The following ECT2L variants were observed in gnomAD, a reference collection of about 807,000 sequenced individuals.
The protein encoded by ECT2L is epithelial cell transforming 2 like, also known as epithelial cell-transforming sequence 2 oncogene-like.
In ECT2L, 126 loss-of-function variants were observed where a neutral mutation model predicts 122.8. The ratio of observed to expected loss-of-function variants is 1.03; its 90% CI spans 0.89 to 1.19. The LOEUF (loss-of-function observed/expected upper bound fraction) is 1.19, where lower values mean the gene tolerates loss of function less well. Among genes scored for constraint, ECT2L ranks in the 50% most tolerant of loss-of-function variants. The pLI, the probability that ECT2L is intolerant of heterozygous loss-of-function variation, is 0.00. For synonymous variants in ECT2L, 385 were observed against 381.8 expected (o/e 1.01, Z -0.10); for missense variants, 1,012 against 1,064.1 (o/e 0.95, Z 0.68).
chr6:138,882,633 G>C, intron 15 of ECT2L, 91 bp from the exon 16 acceptor site: 1 of 1,485,466 alleles, frequency 6.7e-7, no homozygotes, highest in Non-Finnish European at 9.2e-7. Context: ...AAGGACTAGG[G>C]TGAAAATGCC....
intron 20 of ECT2L, among the ~76,000 whole-genome samples, chr6:138,899,354 T>C (rs1406686231): frequency 6.6e-6 from 1 of 152,202 alleles, no homozygotes; most frequent in African/African-American, 2.4e-5. Context: ...GTGATTTCCA[T>C]TGCTGATTGA....
intron 1 of ECT2L, among the ~76,000 whole-genome samples, chr6:138,803,317 T>TAC (rs4052918): frequency 0.011 from 1,694 of 148,578 alleles, 10 homozygotes; most frequent in Middle Eastern, 0.014. Flanking sequence ...TATATGCATG[T>TAC]ACACACACAC....
At chr6:138,850,133 C>T (rs1777382018) in intron 9 of ECT2L, among the ~76,000 whole-genome samples, 1 of 130,184 alleles carries the variant, frequency 7.7e-6, no homozygotes, top group Non-Finnish European at 1.6e-5. Context: ...CAGTATTTGT[C>T]GTTTTGTGAC....
Position 138,813,328 on chromosome 6 carries a change from A to C in ECT2L, c.54A>C (p.Ser18=). 8 of 1,611,072 alleles carry C rather than the reference A, an allele frequency of 5.0e-6. No homozygotes were observed. Among genetic ancestry groups the C allele is most frequent in the Non-Finnish European group, 6.8e-6 (8 of 1,179,084 alleles). ...FSAWTPFSNK[S]LNRQLFQERV... ...CCTGGACACCTTTTAGCAACAAGTCATTAAATAGACAGGTAAGTTACATAC... is the reference window on the plus strand; with the variant it reads ...CCTGGACACCTTTTAGCAACAAGTCCTTAAATAGACAGGTAAGTTACATAC... The change falls in exon 3 of 22, where the codon TCA becomes TCC. Residue 18 remains serine (S), a synonymous_variant. Transcript: ENST00000541398.
chr6:138,887,786 TTTTC>T (rs1019010773), intron 19 of ECT2L, among the ~76,000 whole-genome samples: 66 of 152,376 alleles, frequency 4.3e-4, no homozygotes, highest in African/African-American at 1.5e-3. Context: ...CTGAAATTGC[TTTTC>T]TTTCCTATTT....
intron 11 of ECT2L, among the ~76,000 whole-genome samples, chr6:138,863,263 C>T (rs937064843): frequency 2.0e-5 from 3 of 152,118 alleles, no homozygotes; most frequent in Non-Finnish European, 4.4e-5. Flanking sequence ...TTTGTTACAC[C>T]GACACCACTC....
intron 9 of ECT2L, among the ~76,000 whole-genome samples, chr6:138,853,336 A>G (rs1442111192): frequency 6.6e-6 from 1 of 152,138 alleles, no homozygotes; most frequent in Non-Finnish European, 1.5e-5. Context: ...CTTCTATATA[A>G]TTGTGTTTTC....
intron 10 of ECT2L, among the ~76,000 whole-genome samples, chr6:138,857,297 G>A (rs917548686): frequency 6.6e-6 from 1 of 152,148 alleles, no homozygotes; most frequent in Non-Finnish European, 1.5e-5. Flanking sequence ...ACTTGAGCGC[G>A]CATCCATATC....
At position 138,854,148 on chromosome 6, in the gene ECT2L, G is replaced by A. The variant is rs2128395304; in HGVS notation, c.1192G>A (p.Ala398Thr). The change falls in exon 10 of 22, where the codon GCA becomes ACA. Residue 398 changes from alanine (A) to threonine (T), a missense_variant. Coordinates refer to ENST00000541398, the MANE Select transcript of ECT2L (RefSeq NM_001077706.3). ...GHVDFFVPLG[A>T]SEAGIEVLSQ... ...CGTGGACTTCTTCGTGCCCCTTGGAGCATCAGGTTAGCTCAGAACACCTTA... is the reference window on the plus strand; with the variant it reads ...CGTGGACTTCTTCGTGCCCCTTGGAACATCAGGTTAGCTCAGAACACCTTA... The A allele has an allele frequency of 6.2e-7, 1 of 1,613,532 alleles. No individual in the cohort carries two copies. The highest frequency in any genetic ancestry group is 1.1e-5 in the South Asian group (1 of 90,994).
intron 13 of ECT2L, among the ~76,000 whole-genome samples, chr6:138,873,890 G>GTGTGTGTGTGTGTGTGTA (rs1444238048): frequency 0.061 from 7,973 of 130,514 alleles, 305 homozygotes; most frequent in East Asian, 0.16. Context: ...GTGTGTGTGT[G>GTGTGTGTGTGTGTGTGTA]TGTGTGTGTG....
At chr6:138,862,124 T>C (rs1252257929) in intron 10 of ECT2L, among the ~76,000 whole-genome samples, 2 of 152,202 alleles carry the variant, frequency 1.3e-5, no homozygotes, top group African/African-American at 4.8e-5. Flanking sequence ...CTTGGCCATC[T>C]CTTTAGTGCC....
intron 5 of ECT2L, among the ~76,000 whole-genome samples, chr6:138,842,548 G>A (rs1401945396): frequency 6.6e-6 from 1 of 152,112 alleles, no homozygotes; most frequent in Non-Finnish European, 1.5e-5. Flanking sequence ...AAGGTGGGCG[G>A]ATCACGAGGT....
At chr6:138,827,503 T>C (rs1776490735) in intron 4 of ECT2L, among the ~76,000 whole-genome samples, 2 of 152,186 alleles carry the variant, frequency 1.3e-5, no homozygotes, top group African/African-American at 4.8e-5. Context: ...ATGGTTCACA[T>C]TATTTCATCT....
rs539599187 is a variant in ECT2L at position 138,861,217 on chromosome 6, G to A, written c.1199-1410G>A. Among the ~76,000 whole-genome samples the A allele has an allele frequency of 2.1e-3, 318 of 152,280 alleles. 1 individual carries two copies. The highest frequency in any genetic ancestry group is 7.4e-3 in the African/African-American group (307 of 41,558). ...TGTTCATGTGTCTTTATACTAGAAT[G>A]ATTTATAATCCTTTGGGTATATACC... On this transcript the variant is annotated intron_variant, in intron 10 of 21. Coordinates refer to ENST00000541398, the MANE Select transcript of ECT2L (RefSeq NM_001077706.3).
chr6:138,887,051 C>A, intron 19 of ECT2L, 129 bp downstream of exon 19: 1 of 722,902 alleles, frequency 1.4e-6, no homozygotes, highest in Non-Finnish European at 2.4e-6. Flanking sequence ...CAGGCACTGC[C>A]ATGCTCTCCC....
At chr6:138,894,285 G>A (rs1216810797) in intron 20 of ECT2L, among the ~76,000 whole-genome samples, 2 of 151,984 alleles carry the variant, frequency 1.3e-5, no homozygotes, top group African/African-American at 4.8e-5. Flanking sequence ...TCAATCTCTT[G>A]ACCTTGTGAC....
chr6:138,865,517 C>T (rs1409390829), intron 12 of ECT2L, among the ~76,000 whole-genome samples: 1 of 152,136 alleles, frequency 6.6e-6, no homozygotes, highest in Admixed American at 6.5e-5. Flanking sequence ...AGTTAAGCGC[C>T]TCTTATACCC....
chr6:138,862,822 A>C, intron 11 of ECT2L, 103 bp downstream of exon 11: 1 of 886,706 alleles, frequency 1.1e-6, no homozygotes, highest in Non-Finnish European at 1.8e-6. Flanking sequence ...GCTGATATCC[A>C]TTACTCTCTT....
intron 1 of ECT2L, among the ~76,000 whole-genome samples, chr6:138,797,791 A>G (rs956110333): frequency 5.9e-5 from 9 of 152,232 alleles, no homozygotes; most frequent in African/African-American, 2.2e-4. Flanking sequence ...AATTTAACCC[A>G]GTTCTGACAC....
Sources: gnomAD v4.1 joint callset for allele counts (sites outside exome capture counted in the v4.1 genomes callset) on GRCh38, gnomAD v4.1.1 for gene constraint, MANE v1.5 for transcripts, NCBI Gene and HGNC (gene_info 2026-07-23, HGNC 2026-07-21) for gene names.